RALGPS2: variants seen among roughly 807,000 people sequenced by gnomAD.
The protein encoded by RALGPS2 is Ral GEF with PH domain and SH3 binding motif 2.
A neutral mutation model predicts 86.8 loss-of-function variants in RALGPS2; 43 were observed. The observed-to-expected ratio is 0.50, with a 90% CI of 0.39 to 0.64. RALGPS2 has a LOEUF of 0.64. Ranked by LOEUF, RALGPS2 falls within the 30% of genes least tolerant of loss-of-function variation. The probability of loss-of-function intolerance (pLI) is 0.00; values close to 1 mark genes in which losing one functional copy is unlikely to be tolerated. For missense variants in RALGPS2, 536 were observed against 694.6 expected (o/e 0.77, Z 2.57); for synonymous variants, 243 against 231.3 (o/e 1.05, Z -0.46).
intron 8 of RALGPS2, among the ~76,000 whole-genome samples, chr1:178,852,140 G>A (rs146053563): frequency 1.3e-5 from 2 of 152,076 alleles, no homozygotes; most frequent in African/African-American, 2.4e-5. Context: ...CATTTCTTGC[G>A]ACTCTTTATT....
intron 1 of RALGPS2, chr1:178,747,121 A>G (rs1366362724): frequency 1.7e-5 from 16 of 930,300 alleles, no homozygotes; most frequent in Non-Finnish European, 2.7e-5. Context: ...GTTTAATGTT[A>G]ATATCATCTC....
In RALGPS2 at chr1:178,860,738, G is replaced by T. The variant is rs2102321985; in HGVS notation, c.608-16760G>T. On this transcript the variant is annotated intron_variant, in intron 8 of 19. Transcript: ENST00000367635. ...CTAAACACCTCTTAAAATATACATT[G>T]TTGTATATTTTCACCTTATGCATGT... is the stretch of plus-strand genomic sequence containing the variant. Among the ~76,000 whole-genome samples the T allele has an allele frequency of 1.3e-5, 2 of 152,168 alleles. 1 individual carries two copies. The highest frequency in any genetic ancestry group is 4.2e-4 in the South Asian group (2 of 4,806).
chr1:178,823,439 A>G (rs553465714), intron 7 of RALGPS2, among the ~76,000 whole-genome samples: 3 of 150,378 alleles, frequency 2.0e-5, no homozygotes, highest in Non-Finnish European at 2.9e-5. Flanking sequence ...ATAAATAGCA[A>G]TAAATGCTCT....
At chr1:178,871,698 A>G (rs972497576) in intron 8 of RALGPS2, among the ~76,000 whole-genome samples, 2 of 152,188 alleles carry the variant, frequency 1.3e-5, no homozygotes, top group African/African-American at 4.8e-5. Context: ...GTGTTACATA[A>G]TGTCATATCC....
intron 1 of RALGPS2, among the ~76,000 whole-genome samples, chr1:178,750,349 G>A (rs1182040055): frequency 6.6e-6 from 1 of 152,200 alleles, no homozygotes; most frequent in African/African-American, 2.4e-5. Flanking sequence ...TACAAAAATG[G>A]GGCTGGATTT....
chr1:178,915,319 T>C (rs1660771914), intron 19 of RALGPS2, among the ~76,000 whole-genome samples: 1 of 152,208 alleles, frequency 6.6e-6, no homozygotes, highest in South Asian at 2.1e-4. Context: ...CACTGCAACC[T>C]CTGCCTCCCG....
At chr1:178,745,906 T>TCAC (rs1411064326) in intron 1 of RALGPS2, among the ~76,000 whole-genome samples, 7 of 150,000 alleles carry the variant, frequency 4.7e-5, no homozygotes, top group Non-Finnish European at 8.9e-5. Flanking sequence ...ACTGCAACTT[T>TCAC]CACCTCCCAG....
At chr1:178,811,474 G>C in intron 6 of RALGPS2, 70 bp downstream of exon 6, 1 of 1,092,246 alleles carries the variant, frequency 9.2e-7, no homozygotes, top group Non-Finnish European at 1.3e-6. Flanking sequence ...ATAAATATTC[G>C]TGATGCTTTA....
At chr1:178,838,824 C>T (rs965262306) in intron 8 of RALGPS2, among the ~76,000 whole-genome samples, 1 of 152,170 alleles carries the variant, frequency 6.6e-6, no homozygotes, top group Non-Finnish European at 1.5e-5. Context: ...CTTAAATGAC[C>T]TGATGGAGCT....
chr1:178,775,634 G>A (rs1307116519), intron 1 of RALGPS2, among the ~76,000 whole-genome samples: 1 of 152,100 alleles, frequency 6.6e-6, no homozygotes, highest in Non-Finnish European at 1.5e-5. Context: ...AATCTGTGTT[G>A]TGAAAAGAAT....
chr1:178,761,240 T>C (rs1377837629), intron 1 of RALGPS2, among the ~76,000 whole-genome samples: 1 of 152,146 alleles, frequency 6.6e-6, no homozygotes, highest in African/African-American at 2.4e-5. Context: ...CCTCCCAAAG[T>C]GCTGGGATTA....
chr1:178,749,132 T>G (rs1316890533), intron 1 of RALGPS2, among the ~76,000 whole-genome samples: 1 of 152,176 alleles, frequency 6.6e-6, no homozygotes, highest in Non-Finnish European at 1.5e-5. Flanking sequence ...GTCACGTAAT[T>G]AATAGACCAA....
At chr1:178,766,386 ATTT>A (rs35601726) in intron 1 of RALGPS2, among the ~76,000 whole-genome samples, 1 of 144,862 alleles carries the variant, frequency 6.9e-6, no homozygotes, top group Non-Finnish European at 1.5e-5. Flanking sequence ...CACCCGGCTA[ATTT>A]TTTTTTTTTT....
intron 4 of RALGPS2, among the ~76,000 whole-genome samples, chr1:178,794,218 G>A (rs1199648645): frequency 1.3e-5 from 2 of 152,152 alleles, no homozygotes; most frequent in East Asian, 3.8e-4. Context: ...CTGGGTTCAA[G>A]TGATTCTCAT....
intron 8 of RALGPS2, among the ~76,000 whole-genome samples, chr1:178,867,933 A>G (rs1011184078): frequency 1.1e-4 from 17 of 152,020 alleles, no homozygotes; most frequent in African/African-American, 4.1e-4. Flanking sequence ...TCAATTGAAT[A>G]GTGTCTTCAA....
intron 8 of RALGPS2, among the ~76,000 whole-genome samples, chr1:178,843,612 C>T (rs1381709045): frequency 2.0e-5 from 3 of 149,124 alleles, no homozygotes; most frequent in African/African-American, 5.0e-5. Context: ...ATGTAACAAA[C>T]CTGCACATTG....
At chr1:178,829,798 G>T (rs543255251) in intron 7 of RALGPS2, among the ~76,000 whole-genome samples, 1 of 151,692 alleles carries the variant, frequency 6.6e-6, no homozygotes, top group Non-Finnish European at 1.5e-5. Flanking sequence ...AGGCTGTAGC[G>T]CAGTGGCACA....
chr1:178,774,316 T>TA (rs1249515922), intron 1 of RALGPS2, among the ~76,000 whole-genome samples: 1 of 152,200 alleles, frequency 6.6e-6, no homozygotes. Context: ...TCTTCATGCT[T>TA]ATAGTTTACA....
At chr1:178,726,405 T>A (rs1650005305) in intron 1 of RALGPS2, 1 of 152,086 alleles carries the variant, frequency 6.6e-6, no homozygotes, top group Non-Finnish European at 1.5e-5. Context: ...TGGGCGTGTT[T>A]GGGAAGAAGC....
Sources: allele counts gnomAD v4.1 joint callset (sites outside exome capture counted in the v4.1 genomes callset), GRCh38; gene constraint gnomAD v4.1.1; transcripts MANE v1.5; gene names NCBI Gene and HGNC (gene_info 2026-07-23, HGNC 2026-07-21).